Variants in AKAP19 observed in about 807,000 individuals in gnomAD.
AKAP19 encodes small A-kinase anchoring protein.
chr2:190,198,924 T>C, the AKAP19 span, among the ~76,000 whole-genome samples: 3 of 152,102 alleles, frequency 2.0e-5, no homozygotes, highest in Non-Finnish European at 4.4e-5. Context: ...CAAACAAGGG[T>C]AGGAATGAGA....
At chr2:190,081,920 C>T in the AKAP19 span, among the ~76,000 whole-genome samples, 1 of 152,128 alleles carries the variant, frequency 6.6e-6, no homozygotes, top group South Asian at 2.1e-4. Context: ...AACTGAGTTC[C>T]CAGCCATGAT....
chr2:189,880,044 G>A, the AKAP19 span, among the ~76,000 whole-genome samples: 12 of 152,064 alleles, frequency 7.9e-5, no homozygotes, highest in Non-Finnish European at 1.8e-4. Context: ...TCAGATGAAC[G>A]GATTTTTGTT....
chr2:190,125,547 C>G, the AKAP19 span, among the ~76,000 whole-genome samples: 1 of 152,158 alleles, frequency 6.6e-6, no homozygotes, highest in Non-Finnish European at 1.5e-5. Flanking sequence ...ACCAGCCACT[C>G]TGTAATCAAT....
the AKAP19 span, among the ~76,000 whole-genome samples, chr2:190,177,184 C>T: frequency 0.014 from 2,200 of 152,246 alleles, 51 homozygotes; most frequent in African/African-American, 0.049. This position sits in a 1 kb window ranked among gnomAD's most constrained non-coding sequence, Gnocchi z 4.6. Flanking sequence ...CCTCTACCCA[C>T]TCAGTTGGCT....
At chr2:190,000,560 T>C in the AKAP19 span, among the ~76,000 whole-genome samples, 267 of 152,366 alleles carry the variant, frequency 1.8e-3, 1 homozygote, top group African/African-American at 6.1e-3. Context: ...GGGGTTTCAC[T>C]TCTATAATGT....
chr2:189,959,632 T>A, the AKAP19 span, among the ~76,000 whole-genome samples: 4 of 152,222 alleles, frequency 2.6e-5, no homozygotes, highest in African/African-American at 9.6e-5. Flanking sequence ...CACAAACATG[T>A]TGGCCACCTG....
At chr2:190,100,367 T>C in the AKAP19 span, among the ~76,000 whole-genome samples, 2 of 152,240 alleles carry the variant, frequency 1.3e-5, no homozygotes, top group South Asian at 2.1e-4. Flanking sequence ...TTTTTGTTGC[T>C]GTTTTGGTTT....
At chr2:190,069,937 T>C in the AKAP19 span, among the ~76,000 whole-genome samples, 1 of 152,212 alleles carries the variant, frequency 6.6e-6, no homozygotes, top group Non-Finnish European at 1.5e-5. Flanking sequence ...GGTTATATGA[T>C]TTAAATTAGA....
At chr2:190,118,695 T>A in the AKAP19 span, among the ~76,000 whole-genome samples, 1 of 152,160 alleles carries the variant, frequency 6.6e-6, no homozygotes, top group Non-Finnish European at 1.5e-5. Context: ...TCTCAATAAA[T>A]TAGGTATTGA....
the AKAP19 span, among the ~76,000 whole-genome samples, chr2:190,105,443 T>C: frequency 2.6e-5 from 4 of 152,172 alleles, no homozygotes; most frequent in African/African-American, 9.7e-5. Context: ...TCCTGGTTTA[T>C]TGGATTCCTC....
the AKAP19 span, among the ~76,000 whole-genome samples, chr2:190,058,652 C>T: frequency 2.6e-5 from 4 of 151,918 alleles, no homozygotes; most frequent in African/African-American, 9.7e-5. Context: ...GGTATATATA[C>T]ACCATGGAAT....
chr2:189,998,550 A>G, the AKAP19 span, among the ~76,000 whole-genome samples: 2 of 152,134 alleles, frequency 1.3e-5, no homozygotes, highest in Non-Finnish European at 2.9e-5. Flanking sequence ...ATTGGTATAA[A>G]GCTGTTTATG....
At chr2:190,118,802 A>C in the AKAP19 span, among the ~76,000 whole-genome samples, 15 of 152,334 alleles carry the variant, frequency 9.8e-5, no homozygotes, top group Admixed American at 9.2e-4. Flanking sequence ...CTTTGAAAAC[A>C]GGCACAAGAC....
chr2:190,117,400 T>C, the AKAP19 span, among the ~76,000 whole-genome samples: 3 of 152,130 alleles, frequency 2.0e-5, no homozygotes, highest in South Asian at 6.2e-4. Context: ...AATAGTAGTA[T>C]ACAATAGGTT....
the AKAP19 span, among the ~76,000 whole-genome samples, chr2:189,944,230 G>A: frequency 2.0e-5 from 3 of 152,102 alleles, no homozygotes. Flanking sequence ...TGGCTCATAG[G>A]GGTGGATCCA....
At chr2:189,934,787 T>C in the AKAP19 span, among the ~76,000 whole-genome samples, 1 of 151,766 alleles carries the variant, frequency 6.6e-6, no homozygotes, top group African/African-American at 2.4e-5. Context: ...TTTATGTTTT[T>C]ACAATTCAAG....
the AKAP19 span, among the ~76,000 whole-genome samples, chr2:189,974,488 A>G: frequency 6.6e-6 from 1 of 152,154 alleles, no homozygotes; most frequent in Non-Finnish European, 1.5e-5. Context: ...GTAGCAGTCT[A>G]TGAGGTCTGC....
the AKAP19 span, among the ~76,000 whole-genome samples, chr2:190,128,603 A>G: frequency 1.3e-5 from 2 of 152,234 alleles, no homozygotes. Context: ...ATACATGTTT[A>G]TGATGTACGT....
chr2:189,975,966 G>T, the AKAP19 span, among the ~76,000 whole-genome samples: 26 of 152,246 alleles, frequency 1.7e-4, no homozygotes, highest in African/African-American at 6.3e-4. Flanking sequence ...ATCGTCTGAA[G>T]CCCTCTTCTC....
Sources: allele counts gnomAD v4.1 joint callset (sites outside exome capture counted in the v4.1 genomes callset), GRCh38; gene constraint gnomAD v4.1.1; non-coding constraint Gnocchi (gnomAD v3.1); transcripts MANE v1.5; gene names NCBI Gene and HGNC (gene_info 2026-07-23, HGNC 2026-07-21).